CAST: variants seen among roughly 807,000 people sequenced by gnomAD.
The protein encoded by CAST is MIR583 host.
A neutral mutation model predicts 119.6 loss-of-function variants in CAST; 76 were observed. That is an observed-to-expected ratio of 0.64 (90% confidence interval 0.53 to 0.77). The LOEUF (loss-of-function observed/expected upper bound fraction) is 0.77. Ranked by LOEUF, CAST falls within the 30% of genes least tolerant of loss-of-function variation. CAST has a pLI of 0.00. For synonymous variants in CAST, 319 were observed against 331.6 expected, an observed-to-expected ratio of 0.96 and a Z score of 0.41; for missense variants, 953 against 946.5, an observed-to-expected ratio of 1.01 and a Z score of -0.09.
At chr5:96,523,126 T>C (rs558662285), upstream of CAST, among the ~76,000 whole-genome samples, 5 of 152,326 alleles carry the variant, frequency 3.3e-5, no homozygotes, top group South Asian at 1.0e-3. Context: ...CTGGAAAACC[T>C]CCATCCATTG....
the CAST span, among the ~76,000 whole-genome samples, chr5:95,967,065 C>T: frequency 6.6e-6 from 1 of 152,098 alleles, no homozygotes; most frequent in South Asian, 2.1e-4. Flanking sequence ...AAAGAGTGAC[C>T]TAACAACTCT....
At chr5:95,978,521 G>C in the CAST span, among the ~76,000 whole-genome samples, 1 of 151,312 alleles carries the variant, frequency 6.6e-6, no homozygotes, top group Non-Finnish European at 1.5e-5. Flanking sequence ...AAATTTGTTT[G>C]TTTCTTTTAG....
chr5:96,458,077 A>G, the CAST span, among the ~76,000 whole-genome samples: 27,083 of 152,166 alleles, frequency 0.18, 3,310 homozygotes, highest in Non-Finnish European at 0.27. Flanking sequence ...TTGGGAAACT[A>G]TGGCTCCAGG....
chr5:96,699,845 GAATTACCT>G (rs1369182679), intron 3 of CAST, among the ~76,000 whole-genome samples: 1 of 152,158 alleles, frequency 6.6e-6, no homozygotes, highest in East Asian at 1.9e-4. Flanking sequence ...GAAAACAGGA[GAATTACCT>G]AATTGAATAG....
At chr5:96,198,458 C>T in the CAST span, among the ~76,000 whole-genome samples, 1 of 152,066 alleles carries the variant, frequency 6.6e-6, no homozygotes. Flanking sequence ...AAGTGGGGAC[C>T]AGGAAAGCAG....
intron 1 of CAST, among the ~76,000 whole-genome samples, chr5:96,566,792 A>C (rs2150186070): frequency 6.6e-6 from 1 of 152,382 alleles, no homozygotes; most frequent in East Asian, 1.9e-4. Context: ...AGTTTTAAAA[A>C]TTCAAATTAA....
At chr5:96,763,356 G>A in intron 25 of CAST, 2 of 708,842 alleles carry the variant, frequency 2.8e-6, no homozygotes, top group Non-Finnish European at 5.3e-6. Context: ...GTGTGTGTAT[G>A]TGCATGTGCA....
intron 1 of CAST, among the ~76,000 whole-genome samples, chr5:96,621,651 C>T (rs1194307415): frequency 6.6e-6 from 1 of 152,138 alleles, no homozygotes; most frequent in African/African-American, 2.4e-5. Flanking sequence ...CCCACCTGAT[C>T]CCTCCCTCCA....
At chr5:96,001,345 C>T in the CAST span, among the ~76,000 whole-genome samples, 2 of 152,080 alleles carry the variant, frequency 1.3e-5, no homozygotes, top group African/African-American at 2.4e-5. Context: ...TTTCTTCTGA[C>T]CAAGAAGTTA....
At chr5:96,194,502 G>T in the CAST span, among the ~76,000 whole-genome samples, 4 of 152,268 alleles carry the variant, frequency 2.6e-5, no homozygotes, top group Middle Eastern at 6.8e-3. Flanking sequence ...CACAGCTACG[G>T]CACTGGTTCC....
the CAST span, among the ~76,000 whole-genome samples, chr5:96,145,352 TAACTA>T: frequency 7.8e-3 from 1,181 of 152,312 alleles, 17 homozygotes; most frequent in African/African-American, 0.027. Context: ...ACTCCTCCCT[TAACTA>T]AACTCTATTG....
the CAST span, among the ~76,000 whole-genome samples, chr5:95,985,569 T>C: frequency 6.6e-6 from 1 of 152,318 alleles, no homozygotes; most frequent in South Asian, 2.1e-4. Context: ...TCACGTTCCC[T>C]AAGTTACATA....
chr5:96,538,074 G>A (rs1745849347), intron 1 of CAST, among the ~76,000 whole-genome samples: 1 of 151,582 alleles, frequency 6.6e-6, no homozygotes, highest in East Asian at 1.9e-4. Context: ...GTCAGAGCAT[G>A]CAATCTACAC....
chr5:96,301,506 A>G, the CAST span, among the ~76,000 whole-genome samples: 1 of 152,188 alleles, frequency 6.6e-6, no homozygotes, highest in Non-Finnish European at 1.5e-5. Flanking sequence ...CTCATCTGAA[A>G]CAAGGCAAGT....
the CAST span, among the ~76,000 whole-genome samples, chr5:96,346,250 A>G: frequency 3.3e-5 from 5 of 152,196 alleles, no homozygotes; most frequent in Non-Finnish European, 7.4e-5. Flanking sequence ...AGATGGCAGT[A>G]CTATTCACTT....
the CAST span, among the ~76,000 whole-genome samples, chr5:96,377,197 A>G: frequency 6.6e-6 from 1 of 151,938 alleles, no homozygotes; most frequent in Admixed American, 6.6e-5. Context: ...TTAAAAAATT[A>G]AATTTATAAA....
At chr5:96,321,629 A>T in the CAST span, among the ~76,000 whole-genome samples, 1 of 152,290 alleles carries the variant, frequency 6.6e-6, no homozygotes, top group Non-Finnish European at 1.5e-5. Flanking sequence ...CAGTGTCCTC[A>T]TTTTATAGGT....
chr5:96,397,499 C>T, the CAST span: 1 of 1,598,272 alleles, frequency 6.3e-7, no homozygotes, highest in South Asian at 1.1e-5. Context: ...TAATGAATGT[C>T]CTAATAGCTC....
the CAST span, among the ~76,000 whole-genome samples, chr5:96,343,783 T>C: frequency 6.6e-6 from 1 of 152,246 alleles, no homozygotes; most frequent in African/African-American, 2.4e-5. Context: ...TTACAAATGT[T>C]GATGTCTTCA....
Sources: gnomAD v4.1 joint callset for allele counts (sites outside exome capture counted in the v4.1 genomes callset) on GRCh38, gnomAD v4.1.1 for gene constraint, MANE v1.5 for transcripts, NCBI Gene and HGNC (gene_info 2026-07-23, HGNC 2026-07-21) for gene names.